CDHR5: variants seen among roughly 807,000 people sequenced by gnomAD.
CDHR5 encodes the protein cadherin related family member 5.
In CDHR5, 82 loss-of-function variants were observed where a neutral mutation model predicts 69.5. The observed-to-expected ratio is 1.18, with a 90% CI of 0.99 to 1.42. CDHR5 has a LOEUF of 1.42. Among genes scored for constraint, CDHR5 ranks in the 40% most tolerant of loss-of-function variants. The pLI is 0.00. For missense variants in CDHR5, 1,293 were observed against 1,168.9 expected (o/e 1.11, Z -1.55); for synonymous variants, 601 against 510.2 (o/e 1.18, Z -2.40).
rs1857275843 is a variant in CDHR5 at position 620,058 on chromosome 11, C to G, written c.978+9G>C. ...TCTGCCCTGCCCCCCATGCAGGTGC[C>G]CACCTCACCTTCACCAGCAGAAGGA... On this transcript the variant is annotated intron_variant, in intron 9 of 14. Transcript: ENST00000397542. The G allele has an allele frequency of 6.3e-7, 1 of 1,598,610 alleles. No homozygotes were observed. Among genetic ancestry groups the G allele is most frequent in the African/African-American group, 1.3e-5 (1 of 74,578 alleles).
Position 616,965 on chromosome 11 carries a change from C to CAT in CDHR5, c.*385_*386insAT. On this transcript the variant is annotated 3_prime_UTR_variant, in exon 15 of 15. Coordinates refer to ENST00000397542, the MANE Select transcript of CDHR5 (RefSeq NM_021924.5). ...CTGTGTAGGGTCGGGAGCGGGAGGTCTGAGATGAGCCGGGTGCCTGAGATC... is the reference window on the plus strand; with the variant it reads ...CTGTGTAGGGTCGGGAGCGGGAGGTCATTGAGATGAGCCGGGTGCCTGAGATC... The CAT allele has an allele frequency of 4.2e-6, 1 of 240,942 alleles. No individual in the cohort carries two copies. The highest frequency in any genetic ancestry group is 8.1e-6 in the Non-Finnish European group (1 of 122,816). The allele number at this position is 240,942 out of a possible 1,614,324, so 14.9% of individuals were successfully genotyped here.
At chr11:622,366 T>G (rs1351802517) in intron 3 of CDHR5, among the ~76,000 whole-genome samples, 1 of 150,764 alleles carries the variant, frequency 6.6e-6, no homozygotes, top group Non-Finnish European at 1.5e-5. Context: ...TGCAGGTACT[T>G]GGGGATGCAG....
Position 618,066 on chromosome 11 carries a change from G to T in CDHR5, c.2006C>A (p.Ala669Glu), listed in dbSNP as rs764896263. 1 of 1,611,548 alleles carries T rather than the reference G, an allele frequency of 6.2e-7. No individual in the cohort carries two copies. Among genetic ancestry groups the T allele is most frequent in the Non-Finnish European group, 8.5e-7 (1 of 1,179,308 alleles). The change falls in exon 14 of 15, where the codon GCG becomes GAG. Residue 669 changes from alanine to glutamate, a missense_variant. Physicochemically the swap from Ala to Glu is moderately radical, Grantham distance 107. Coordinates refer to ENST00000397542, the MANE Select transcript of CDHR5 (RefSeq NM_021924.5). ...CGCACCCAGCACCCCGCCCAGGGCC[G>T]CCATATCCACCACCGAGAAGCGCTT... Reference protein sequence around the residue: ...EDKRFSVVDMAALGGVLGALL... With the variant: ...EDKRFSVVDMEALGGVLGALL...
intron 3 of CDHR5, among the ~76,000 whole-genome samples, chr11:622,470 T>A (rs2133212123): frequency 6.6e-6 from 1 of 152,082 alleles, no homozygotes. Context: ...GTTTTTGGGT[T>A]TTTTTGGATA....
chr11:617,904 C>A (rs776893242), intron 14 of CDHR5, 50 bp downstream of exon 14: 2 of 1,584,290 alleles, frequency 1.3e-6, no homozygotes, highest in Non-Finnish European at 1.7e-6. Flanking sequence ...TGTCCCCCGT[C>A]CCCCACTTCC....
intron 13 of CDHR5, 141 bp downstream of exon 13, chr11:618,458 T>G (rs1312809885): frequency 1.9e-6 from 2 of 1,028,030 alleles, no homozygotes; most frequent in East Asian, 5.2e-5. Context: ...TGGGCCTGTC[T>G]GTGTCTGTCA....
rs556866295 is a variant in CDHR5 at position 624,092 on chromosome 11, C to CG, written c.312+120dup. On this transcript the variant is annotated intron_variant, in intron 3 of 14. Transcript: ENST00000397542. The surrounding 1 kb of genome is among the most constrained non-coding windows in gnomAD (Gnocchi z 5.3). ...CTGGAGGAAATGTGGGCATCACCCTCGGGGGGGTGGAATTTGAAACCACAC... is the reference window on the plus strand; with the variant it reads ...CTGGAGGAAATGTGGGCATCACCCTCGGGGGGGGTGGAATTTGAAACCACAC... 4,197 of 649,182 alleles carry CG rather than the reference C, an allele frequency of 6.5e-3. 36 individuals are homozygous for CG. The highest frequency in any genetic ancestry group is 5.4e-3 in the Non-Finnish European group (1,897 of 351,524). The allele number at this position is 649,182 out of a possible 1,614,324, so 40.2% of individuals were successfully genotyped here. A position where few individuals can be genotyped will look rare whatever the true frequency, so the allele number is the denominator to read the frequency against.
chr11:617,826 C>T, intron 14 of CDHR5, 56 bp from the exon 15 acceptor site: 2 of 1,470,274 alleles, frequency 1.4e-6, no homozygotes, highest in Non-Finnish European at 1.8e-6. Flanking sequence ...AGCCTTGGCC[C>T]TGCACACCCT....
chr11:617,170 C>T lies in CDHR5; in HGVS notation c.*181G>A, dbSNP rs1856956938. The T allele has an allele frequency of 1.6e-6, 1 of 607,748 alleles. No homozygotes were observed. Among genetic ancestry groups the T allele is most frequent in the African/African-American group, 1.9e-5 (1 of 53,574 alleles). The allele number at this position is 607,748 out of a possible 1,614,324, so 37.6% of individuals were successfully genotyped here. On this transcript the variant is annotated 3_prime_UTR_variant, in exon 15 of 15. Coordinates refer to ENST00000397542, the MANE Select transcript of CDHR5 (RefSeq NM_021924.5). ...CCAGACCCACCGCCTCATCTGCACA[C>T]CTGGGCTCAAGCGCTAATGACGACA...
intron 13 of CDHR5, 64 bp from the exon 14 acceptor site, chr11:618,175 C>T: frequency 9.6e-6 from 13 of 1,347,698 alleles, no homozygotes; most frequent in Non-Finnish European, 1.3e-5. Context: ...ATTTCCCATG[C>T]CAACCTGTGC....
rs375729796 is a variant in CDHR5, at chr11:617,414, G to A, written c.2475C>T (p.Gly825=). 172 of 1,611,444 alleles carry A rather than the reference G, an allele frequency of 1.1e-4. No individual in the cohort carries two copies. Among genetic ancestry groups the A allele is most frequent in the Middle Eastern group, 5.0e-4 (3 of 6,044 alleles). The stretch of plus-strand genomic sequence containing the variant: ...GACCCCCACCCCTCCCCGCGCCCTC[G>A]CCCTCATCGCCGCTGCCGGAGTCAC... ...GASDSGSGDE[G]EGAGRGGGPY... Residue 825 remains glycine, a synonymous_variant, in exon 15 of 15, where the codon GGC becomes GGT. Coordinates refer to ENST00000397542, the MANE Select transcript of CDHR5 (RefSeq NM_021924.5).
chr11:620,357 G>T lies in CDHR5; in HGVS notation c.819C>A (p.Pro273=), dbSNP rs779220413. ...LPSPLVLRPG[P]IYAEDGDRGI... is the part of the protein sequence containing the mutation. ...CGCGGTCTCCGTCCTCAGCGTAGAT[G>T]GGTCCGGGACGCAGGACGAGGGGAG... Residue 273 remains proline (P), a synonymous_variant, in exon 8 of 15, where the codon CCC becomes CCA. Coordinates refer to ENST00000397542, the MANE Select transcript of CDHR5 (RefSeq NM_021924.5). The T allele has an allele frequency of 2.5e-6, 4 of 1,612,452 alleles. No homozygotes were observed. The South Asian group carries it at 4.4e-5, about 18-fold the overall frequency.
rs764614124 is a variant in CDHR5 at position 621,432 on chromosome 11, C to T, written c.531G>A (p.Leu177=). 2 of 1,612,830 alleles carry T rather than the reference C, an allele frequency of 1.2e-6. No individual in the cohort carries two copies. Among genetic ancestry groups the T allele is most frequent in the Admixed American group, 1.7e-5 (1 of 60,010 alleles). The change falls in exon 6 of 15, where the codon CTG becomes CTA. Residue 177 remains leucine (L), a synonymous_variant. Coordinates refer to ENST00000397542, the MANE Select transcript of CDHR5 (RefSeq NM_021924.5). This position sits in a 1 kb window ranked among gnomAD's most constrained non-coding sequence, Gnocchi z 4.4. ...MTAGASDYFS[L]VSVNRPALRL... is the part of the protein sequence containing the mutation. Reference sequence around the variant, plus strand: ...TCAGGGCGGGACGGTTTACACTCACCAGGGAGAAGTAGTCACTGGCACCCT... The same window carrying T: ...TCAGGGCGGGACGGTTTACACTCACTAGGGAGAAGTAGTCACTGGCACCCT...
At position 624,145 on chromosome 11, in the gene CDHR5, C is replaced by G. The variant is rs535810985; in HGVS notation, c.312+68G>C. 347 of 715,212 alleles carry G rather than the reference C, an allele frequency of 4.9e-4. 2 individuals are homozygous for G. In the South Asian group the frequency reaches 5.0e-3, roughly 10 times the overall value. 44.3% of individuals were successfully genotyped at this position (715,212 alleles called of 1,614,324 possible). The stretch of plus-strand genomic sequence containing the variant: ...TAGCTGACGTCATCAAAGACTGGTC[C>G]TGGACCGGCAGGGCAGAGCCCAGCA... On this transcript the variant is annotated intron_variant, in intron 3 of 14. Transcript: ENST00000397542. The surrounding 1 kb of genome is among the most constrained non-coding windows in gnomAD (Gnocchi z 5.3).
intron 7 of CDHR5, 122 bp downstream of exon 7, chr11:620,958 C>G (rs1026556776): frequency 1.4e-6 from 1 of 690,324 alleles, no homozygotes; most frequent in South Asian, 2.5e-5. Flanking sequence ...TTCAAAATCA[C>G]GACCGAAATC....
chr11:621,561 C>T lies in CDHR5; in HGVS notation c.507+1G>A, dbSNP rs780359028. ...GCTGGGGCAGGGTGGGCGGCACTGA[C>T]TGCTGTCATTTCCTGGAGGGTGTAG... On this transcript the variant is annotated splice_donor_variant, in intron 5 of 14. Coordinates refer to ENST00000397542, the MANE Select transcript of CDHR5 (RefSeq NM_021924.5). LOFTEE classifies it high-confidence loss of function. The surrounding 1 kb of genome is among the most constrained non-coding windows in gnomAD (Gnocchi z 4.4). 2 of 1,612,060 alleles carry T rather than the reference C, an allele frequency of 1.2e-6. No individual in the cohort carries two copies. Among genetic ancestry groups the T allele is most frequent in the Middle Eastern group, 1.7e-4 (1 of 6,056 alleles).
rs146893811 is a variant in CDHR5, at chr11:617,406, G to GCGCCCTCGCCCT, written c.2471_2482dup (p.Glu824_Gly827dup). The stretch of plus-strand genomic sequence containing the variant: ...ATCGTAGGGACCCCCACCCCTCCCC[G>GCGCCCTCGCCCT]CGCCCTCGCCCTCATCGCCGCTGCC... On this transcript the variant is annotated inframe_insertion, in exon 15 of 15. Coordinates refer to ENST00000397542, the MANE Select transcript of CDHR5 (RefSeq NM_021924.5). 1.9e-6 allele frequency: 3 copies of GCGCCCTCGCCCT among 1,610,336 alleles called. No individual in the cohort carries two copies. In the African/African-American group the frequency reaches 4.0e-5, roughly 22 times the overall value.
chr11:622,198 T>TG (rs1461448883), intron 3 of CDHR5, among the ~76,000 whole-genome samples: 2 of 152,148 alleles, frequency 1.3e-5, no homozygotes, highest in Admixed American at 6.5e-5. Context: ...ATTCAGTTGT[T>TG]GGGGGGCTAC....
rs780752539 is a variant in CDHR5 at position 621,348 on chromosome 11, C to T, written c.615G>A (p.Val205=). ...ERPNMTFWLL[V]RDTPGENVEP... is the part of the protein sequence containing the mutation. ...GGGGCTGGGGTGACCTGCTCACCCG[C>T]ACCAGCAGCCAGAAGGTCATGTTCG... The change falls in exon 6 of 15, where the codon GTG becomes GTA. Residue 205 remains valine (V), a synonymous_variant. Coordinates refer to ENST00000397542, the MANE Select transcript of CDHR5 (RefSeq NM_021924.5). This position sits in a 1 kb window ranked among gnomAD's most constrained non-coding sequence, Gnocchi z 4.4. The T allele has an allele frequency of 2.0e-5, 32 of 1,612,964 alleles. No homozygotes were observed. The highest frequency in any genetic ancestry group is 2.2e-5 in the Non-Finnish European group (26 of 1,179,758).
Sources: allele counts gnomAD v4.1 joint callset (sites outside exome capture counted in the v4.1 genomes callset), GRCh38; gene constraint gnomAD v4.1.1; non-coding constraint Gnocchi (gnomAD v3.1); transcripts MANE v1.5; gene names NCBI Gene and HGNC (gene_info 2026-07-23, HGNC 2026-07-21).